The following KSR2 variants were observed in gnomAD, a reference collection of about 807,000 sequenced individuals.
KSR2 encodes the protein kinase suppressor of ras 2.
A neutral mutation model predicts 107.8 loss-of-function variants in KSR2; 25 were observed. That is an observed-to-expected ratio of 0.23 (90% CI 0.17 to 0.32). The LOEUF (loss-of-function observed/expected upper bound fraction) is 0.32, where lower values mean the gene tolerates loss of function less well. Among genes scored for constraint, KSR2 ranks in the 10% least tolerant of loss-of-function variants. The pLI, the probability that KSR2 is intolerant of heterozygous loss-of-function variation, is 1.00. For synonymous variants in KSR2, 480 were observed against 507.0 expected (o/e 0.95, Z 0.71); for missense variants, 887 against 1,268.9 (o/e 0.70, Z 4.57).
rs139487553 is a variant in KSR2 at position 117,941,613 on chromosome 12, C to CTTTTT, written c.180+26458_180+26462dup. Among the ~76,000 whole-genome samples the CTTTTT allele has an allele frequency of 6.0e-4, 32 of 52,978 alleles. 1 individual carries two copies. The highest frequency in any genetic ancestry group is 8.8e-4 in the South Asian group (1 of 1,130). 34.8% of individuals were successfully genotyped at this position (52,978 alleles called of 152,430 possible). A position where few individuals can be genotyped will look rare whatever the true frequency, so the allele number is the denominator to read the frequency against. On this transcript the variant is annotated intron_variant, in intron 1 of 19. Transcript: ENST00000339824. Reference sequence around the variant, plus strand: ...TGAAGCTATAAAATCACAGGCTTTCCTTTTTTTTTTTTTTTTTTTTTTTTT... The same window carrying CTTTTT: ...TGAAGCTATAAAATCACAGGCTTTCCTTTTTTTTTTTTTTTTTTTTTTTTTTTTTT...
At chr12:117,654,939 T>C (rs913959067) in intron 5 of KSR2, among the ~76,000 whole-genome samples, 2 of 152,174 alleles carry the variant, frequency 1.3e-5, no homozygotes, top group African/African-American at 2.4e-5. Flanking sequence ...AGGTTACGCA[T>C]TGGCTCAGCA....
chr12:117,494,693 A>G (rs1047896555), intron 14 of KSR2, among the ~76,000 whole-genome samples: 5 of 152,230 alleles, frequency 3.3e-5, no homozygotes, highest in African/African-American at 9.6e-5. Context: ...AAGGCAATAA[A>G]CAAATAAATG....
chr12:117,612,533 G>A (rs1413864549), intron 5 of KSR2, among the ~76,000 whole-genome samples: 5 of 152,000 alleles, frequency 3.3e-5, no homozygotes, highest in Admixed American at 1.3e-4. Flanking sequence ...TTTTTCAAAG[G>A]TCAGCCAGAA....
chr12:117,748,966 G>C (rs558478270), intron 4 of KSR2, among the ~76,000 whole-genome samples: 3 of 151,756 alleles, frequency 2.0e-5, no homozygotes, highest in Admixed American at 1.3e-4. Context: ...AAGCCTTCAG[G>C]AGGGGTATAG....
intron 5 of KSR2, among the ~76,000 whole-genome samples, chr12:117,606,523 TCCTTCCTTCCTGCCTC>T (rs1881267762): frequency 1.2e-5 from 1 of 86,532 alleles, no homozygotes; most frequent in Admixed American, 1.2e-4. Flanking sequence ...CTCCCTCCCC[TCCTTCCTTCCTGCCTC>T]CCTGCCTCCC....
intron 5 of KSR2, among the ~76,000 whole-genome samples, chr12:117,598,022 G>A (rs561413777): frequency 1.3e-5 from 2 of 149,542 alleles, no homozygotes; most frequent in South Asian, 2.1e-4. Flanking sequence ...TTGGGGGCAG[G>A]TGGTTTTTGG....
intron 1 of KSR2, among the ~76,000 whole-genome samples, chr12:117,867,720 C>T (rs1893522568): frequency 6.6e-6 from 1 of 152,222 alleles, no homozygotes; most frequent in Non-Finnish European, 1.5e-5. Context: ...ACAGCCAACT[C>T]TTGCCTGGCT....
intron 1 of KSR2, among the ~76,000 whole-genome samples, chr12:117,873,692 C>G (rs1893737571): frequency 6.6e-6 from 1 of 152,112 alleles, no homozygotes; most frequent in African/African-American, 2.4e-5. Context: ...AACTCCTGAC[C>G]TCAAGTGATC....
At chr12:117,603,377 G>T (rs12425928) in intron 5 of KSR2, among the ~76,000 whole-genome samples, 1 of 152,196 alleles carries the variant, frequency 6.6e-6, no homozygotes, top group Admixed American at 6.5e-5. Context: ...GTAGCCCTAT[G>T]CACAGAACTT....
chr12:117,467,988 C>A (rs1043783020), intron 19 of KSR2, among the ~76,000 whole-genome samples: 1 of 151,566 alleles, frequency 6.6e-6, no homozygotes, highest in East Asian at 1.9e-4. Context: ...GCCTTTCCCT[C>A]CAACCAGTAA....
chr12:117,852,525 G>T (rs1892964228), intron 3 of KSR2, among the ~76,000 whole-genome samples: 1 of 151,974 alleles, frequency 6.6e-6, no homozygotes, highest in Non-Finnish European at 1.5e-5. Flanking sequence ...TCTTCCCCAT[G>T]GTCTCGCACA....
At chr12:117,780,802 C>G (rs888420254) in intron 3 of KSR2, among the ~76,000 whole-genome samples, 1 of 152,214 alleles carries the variant, frequency 6.6e-6, no homozygotes, top group Admixed American at 6.5e-5. Context: ...CATGATCTTT[C>G]TCTTGGACAT....
intron 3 of KSR2, among the ~76,000 whole-genome samples, chr12:117,852,656 C>T (rs766013875): frequency 2.0e-5 from 3 of 152,238 alleles, no homozygotes; most frequent in South Asian, 4.1e-4. Context: ...TAGTGCCTCC[C>T]GGATGAGACA....
chr12:117,921,453 C>A (rs1331775604), intron 1 of KSR2, among the ~76,000 whole-genome samples: 1 of 152,042 alleles, frequency 6.6e-6, no homozygotes, highest in Non-Finnish European at 1.5e-5. Context: ...TGGGGTCTTG[C>A]TACATTGTCC....
chr12:117,660,207 G>A (rs1884371207), intron 5 of KSR2, among the ~76,000 whole-genome samples: 1 of 152,192 alleles, frequency 6.6e-6, no homozygotes. Flanking sequence ...TGAGGAGGAG[G>A]TCTGCGTTGG....
chr12:117,885,125 CTCTGAGAGGCT>C (rs1179480487), intron 1 of KSR2, among the ~76,000 whole-genome samples: 1 of 152,178 alleles, frequency 6.6e-6, no homozygotes, highest in African/African-American at 2.4e-5. Context: ...GATGATGAAG[CTCTGAGAGGCT>C]TCTGAGAGGC....
intron 10 of KSR2, 183 bp downstream of exon 10, chr12:117,539,536 A>G (rs1315839647): frequency 1.3e-5 from 7 of 535,062 alleles, no homozygotes; most frequent in Non-Finnish European, 1.9e-5. Context: ...AAGTGATATA[A>G]GGGTAATTGC....
At chr12:117,914,566 T>G (rs1235264145) in intron 1 of KSR2, among the ~76,000 whole-genome samples, 1 of 152,194 alleles carries the variant, frequency 6.6e-6, no homozygotes, top group Non-Finnish European at 1.5e-5. Flanking sequence ...CGAGACAGGA[T>G]CTCTATCACC....
chr12:117,927,686 C>G (rs1895570519), intron 1 of KSR2, among the ~76,000 whole-genome samples: 1 of 151,764 alleles, frequency 6.6e-6, no homozygotes, highest in Admixed American at 6.6e-5. Context: ...GAGCAAGACT[C>G]AGTCTGGAAA....
Sources: allele counts gnomAD v4.1 joint callset (sites outside exome capture counted in the v4.1 genomes callset), GRCh38; gene constraint gnomAD v4.1.1; transcripts MANE v1.5; gene names NCBI Gene and HGNC (gene_info 2026-07-23, HGNC 2026-07-21).